The following TLN2 variants were observed in gnomAD, a reference collection of about 807,000 sequenced individuals.
The protein encoded by TLN2 is talin 2.
A neutral mutation model predicts 294.7 loss-of-function variants in TLN2; 118 were observed. The observed-to-expected ratio is 0.40, with a 90% CI of 0.34 to 0.47. TLN2 has a LOEUF of 0.47. Among genes scored for constraint, TLN2 ranks in the 20% least tolerant of loss-of-function variants. The probability of loss-of-function intolerance (pLI) is 0.84; values close to 1 mark genes in which losing one functional copy is unlikely to be tolerated. For missense variants in TLN2, 3,083 were observed against 3,282.2 expected, an observed-to-expected ratio of 0.94 and a Z score of 1.48; for synonymous variants, 1,431 against 1,304.5, an observed-to-expected ratio of 1.10 and a Z score of -2.09.
At chr15:62,819,703 A>G in intron 53 of TLN2, 82 bp downstream of exon 53, 1 of 1,267,956 alleles carries the variant, frequency 7.9e-7, no homozygotes, top group East Asian at 2.4e-5. Context: ...GGAAAAGCAC[A>G]GACGGCAATG....
Position 62,707,187 on chromosome 15 carries a change from G to T in TLN2, c.2106G>T (p.Gln702His). The change falls in exon 20 of 59, where the codon CAG becomes CAT. Residue 702 changes from glutamine to histidine, a missense_variant. Coordinates refer to ENST00000636159, the MANE Select transcript of TLN2 (RefSeq NM_015059.3). ...VAQVAEDTVLQNRVIAAATQC... is the reference protein window; with the variant it reads ...VAQVAEDTVLHNRVIAAATQC... ...AAGTGGCCGAAGACACTGTCCTACA[G>T]AACAGGGTAATTGCTGCTGCCACCC... The T allele has an allele frequency of 6.2e-7, 1 of 1,614,188 alleles. No individual in the cohort carries two copies. The highest frequency in any genetic ancestry group is 8.5e-7 in the Non-Finnish European group (1 of 1,180,018).
At chr15:62,550,892 T>G (rs2042259354) in intron 1 of TLN2, among the ~76,000 whole-genome samples, 2 of 152,216 alleles carry the variant, frequency 1.3e-5, no homozygotes, top group South Asian at 4.1e-4. Context: ...TTCAAGCACA[T>G]TATCTTTATT....
intron 2 of TLN2, among the ~76,000 whole-genome samples, chr15:62,601,762 G>T (rs1163455710): frequency 1.3e-5 from 2 of 152,094 alleles, no homozygotes; most frequent in Non-Finnish European, 2.9e-5. Flanking sequence ...GGAAAGTCGG[G>T]ATAAATATGT....
At chr15:62,468,006 A>G (rs2037240816) in intron 1 of TLN2, among the ~76,000 whole-genome samples, 2 of 152,336 alleles carry the variant, frequency 1.3e-5, no homozygotes, top group South Asian at 2.1e-4. Flanking sequence ...TAGAAAGAAT[A>G]AACAACAATA....
Position 62,686,629 on chromosome 15 carries a change from C to A in TLN2, c.958-12C>A. 1 of 1,607,764 alleles carries A rather than the reference C, an allele frequency of 6.2e-7. No homozygotes were observed. On this transcript the variant is annotated splice_polypyrimidine_tract_variant and intron_variant, in intron 11 of 58. Transcript: ENST00000636159. ...GAAGAAGAGCACTGACTCTTGGTAT[C>A]TCCTGTTTCAGGAGAAGATGAAAGG...
intron 33 of TLN2, among the ~76,000 whole-genome samples, chr15:62,749,698 C>T (rs1017474611): frequency 3.3e-5 from 5 of 152,178 alleles, no homozygotes; most frequent in Non-Finnish European, 7.3e-5. Context: ...TACATTCTCA[C>T]TCTCTGGGGA....
intron 45 of TLN2, among the ~76,000 whole-genome samples, chr15:62,790,861 A>G (rs1186695908): frequency 2.0e-5 from 3 of 152,352 alleles, no homozygotes; most frequent in African/African-American, 4.8e-5. Context: ...CGGCAGCCAT[A>G]CTACTACACC....
chr15:62,660,294 T>C (rs1341666469), intron 9 of TLN2, among the ~76,000 whole-genome samples: 1 of 152,228 alleles, frequency 6.6e-6, no homozygotes, highest in Non-Finnish European at 1.5e-5. Flanking sequence ...TTTGTTACTT[T>C]AGTGAAGGTA....
chr15:62,492,895 A>G (rs370661081), intron 1 of TLN2, among the ~76,000 whole-genome samples: 9 of 152,318 alleles, frequency 5.9e-5, no homozygotes, highest in East Asian at 1.9e-4. Flanking sequence ...AGGATTTTCA[A>G]TGCTGCTTTG....
At chr15:62,467,204 C>G (rs1373779577) in intron 1 of TLN2, among the ~76,000 whole-genome samples, 2 of 152,146 alleles carry the variant, frequency 1.3e-5, no homozygotes, top group East Asian at 1.9e-4. Context: ...TGGCCTGCCT[C>G]CAAGTCTTTT....
intron 48 of TLN2, among the ~76,000 whole-genome samples, chr15:62,799,961 G>A (rs1385225591): frequency 6.6e-6 from 1 of 152,232 alleles, no homozygotes; most frequent in Non-Finnish European, 1.5e-5. Flanking sequence ...AGAGAGGCAG[G>A]CAGGGCTGTT....
intron 1 of TLN2, among the ~76,000 whole-genome samples, chr15:62,429,158 A>G (rs1014669098): frequency 6.7e-6 from 1 of 150,178 alleles, no homozygotes; most frequent in Non-Finnish European, 1.5e-5. Flanking sequence ...GCCCTAAGCA[A>G]TCACTCAAGC....
intron 19 of TLN2, among the ~76,000 whole-genome samples, chr15:62,705,493 CTG>C (rs1225036138): frequency 5.3e-5 from 8 of 152,128 alleles, no homozygotes; most frequent in Non-Finnish European, 1.2e-4. Flanking sequence ...CTTTTTCTGA[CTG>C]TATTTTTTTG....
At chr15:62,483,996 G>C (rs2038246121) in intron 1 of TLN2, among the ~76,000 whole-genome samples, 1 of 152,180 alleles carries the variant, frequency 6.6e-6, no homozygotes, top group Non-Finnish European at 1.5e-5. Context: ...GAGGAGGTGA[G>C]CCTTGTGCAG....
intron 32 of TLN2, among the ~76,000 whole-genome samples, chr15:62,743,478 G>A (rs2061449566): frequency 6.6e-6 from 1 of 152,050 alleles, no homozygotes. Context: ...TACGTTTTTG[G>A]GACCCTACCT....
chr15:62,802,957 A>G (rs1441709505), intron 50 of TLN2, among the ~76,000 whole-genome samples: 3 of 152,100 alleles, frequency 2.0e-5, no homozygotes, highest in Non-Finnish European at 4.4e-5. Flanking sequence ...AGCTCCTTAC[A>G]TAGGCTAGTT....
chr15:62,784,542 G>A (rs1379223725), intron 45 of TLN2: 1 of 152,370 alleles, frequency 6.6e-6, no homozygotes, highest in African/African-American at 2.4e-5. Flanking sequence ...CTTTCTAAGA[G>A]CTGCCATCTC....
At chr15:62,773,771 C>T (rs1174825974) in intron 42 of TLN2, among the ~76,000 whole-genome samples, 1 of 152,148 alleles carries the variant, frequency 6.6e-6, no homozygotes, top group Non-Finnish European at 1.5e-5. Flanking sequence ...TAAATTACTT[C>T]ATTTCTTTGT....
chr15:62,673,819 T>G lies in TLN2; in HGVS notation c.789-8T>G, dbSNP rs2055796682. The G allele has an allele frequency of 1.2e-6, 2 of 1,610,040 alleles. No homozygotes were observed. The highest frequency in any genetic ancestry group is 2.2e-5 in the South Asian group (2 of 90,478). On this transcript the variant is annotated splice_region_variant and splice_polypyrimidine_tract_variant and intron_variant, in intron 9 of 58. Transcript: ENST00000636159. ...AATGCCTTTCCTTTTTAAATGTCTCTCTCTTAGTCTGAAGGAATTCCTGCC... is the reference window on the plus strand; with the variant it reads ...AATGCCTTTCCTTTTTAAATGTCTCGCTCTTAGTCTGAAGGAATTCCTGCC...
Sources: allele counts gnomAD v4.1 joint callset (sites outside exome capture counted in the v4.1 genomes callset), GRCh38; gene constraint gnomAD v4.1.1; transcripts MANE v1.5; gene names NCBI Gene and HGNC (gene_info 2026-07-23, HGNC 2026-07-21).